Variants in LUZP2 observed in about 807,000 individuals in gnomAD.
LUZP2 encodes leucine zipper protein 2.
Under a neutral mutation model 51.6 loss-of-function variants are expected in LUZP2, and 52 were observed. The observed-to-expected ratio is 1.01, with a 90% CI of 0.81 to 1.27. LUZP2 has a LOEUF of 1.27. Ranked by LOEUF, LUZP2 falls within the 50% of genes most tolerant of loss-of-function variation. LUZP2 has a pLI of 0.00. For synonymous variants in LUZP2, 154 were observed against 137.3 expected, an observed-to-expected ratio of 1.12 and a Z score of -0.85; for missense variants, 436 against 395.4, an observed-to-expected ratio of 1.10 and a Z score of -0.87.
chr11:24,592,924 A>T (rs183850163), intron 1 of LUZP2, among the ~76,000 whole-genome samples: 1 of 152,222 alleles, frequency 6.6e-6, no homozygotes, highest in Non-Finnish European at 1.5e-5. Context: ...CATTACAGAC[A>T]TCTATTGGTG....
At position 25,053,121 on chromosome 11, in the gene LUZP2, C is replaced by A. The variant is rs543333216; in HGVS notation, c.858+2991C>A. On this transcript the variant is annotated intron_variant, in intron 10 of 11. Coordinates refer to ENST00000336930, the MANE Select transcript of LUZP2 (RefSeq NM_001009909.4). ...AGGCAATCACAGAAACAATTGGGAA[C>A]AAACAATGAAAAGTCTGTTTCAAAG... is the stretch of plus-strand genomic sequence containing the variant. Among the ~76,000 whole-genome samples the A allele has an allele frequency of 2.2e-4, 33 of 152,090 alleles. 1 individual carries two copies. In the East Asian group the frequency reaches 5.4e-3, roughly 25 times the overall value.
At chr11:24,688,858 G>T (rs1389493769) in intron 1 of LUZP2, among the ~76,000 whole-genome samples, 1 of 152,078 alleles carries the variant, frequency 6.6e-6, no homozygotes, top group Non-Finnish European at 1.5e-5. Flanking sequence ...CCTGAGGTAG[G>T]CTCTGCTATC....
At chr11:24,559,667 T>C (rs1192779253) in intron 1 of LUZP2, among the ~76,000 whole-genome samples, 1 of 152,212 alleles carries the variant, frequency 6.6e-6, no homozygotes, top group Non-Finnish European at 1.5e-5. Context: ...TATGCAATTA[T>C]CTTGTGACTT....
chr11:24,571,200 G>A (rs1852430332), intron 1 of LUZP2, among the ~76,000 whole-genome samples: 1 of 149,060 alleles, frequency 6.7e-6, no homozygotes, highest in African/African-American at 2.5e-5. Flanking sequence ...CAGAGGAGAT[G>A]AAAGCACTTG....
intron 1 of LUZP2, among the ~76,000 whole-genome samples, chr11:24,503,326 G>A (rs897627758): frequency 7.2e-5 from 11 of 152,154 alleles, no homozygotes; most frequent in Non-Finnish European, 1.5e-4. Context: ...ATAGAAAACG[G>A]TGTAATTTAC....
intron 10 of LUZP2, among the ~76,000 whole-genome samples, chr11:25,050,974 G>A (rs1373425183): frequency 6.6e-6 from 1 of 152,090 alleles, no homozygotes; most frequent in African/African-American, 2.4e-5. Flanking sequence ...TTGAGCTAAT[G>A]GATCTATTAC....
At chr11:24,709,261 G>A (rs987189483) in intron 1 of LUZP2, among the ~76,000 whole-genome samples, 36 of 152,022 alleles carry the variant, frequency 2.4e-4, no homozygotes, top group African/African-American at 7.5e-4. Context: ...AGAAGAATAA[G>A]GCTAATGATT....
At chr11:24,728,123 T>C (rs1477821795) in intron 1 of LUZP2, among the ~76,000 whole-genome samples, 3 of 152,000 alleles carry the variant, frequency 2.0e-5, no homozygotes, top group Non-Finnish European at 4.4e-5. Flanking sequence ...GCTGAGAGAA[T>C]TTGAGCCGTT....
intron 1 of LUZP2, among the ~76,000 whole-genome samples, chr11:24,653,652 T>A (rs192335648): frequency 1.3e-5 from 2 of 152,190 alleles, no homozygotes; most frequent in African/African-American, 2.4e-5. Context: ...CTCTAGCTGA[T>A]ACCTGGGGCA....
intron 4 of LUZP2, among the ~76,000 whole-genome samples, chr11:24,758,057 C>T (rs1291828058): frequency 1.3e-5 from 2 of 152,184 alleles, no homozygotes; most frequent in African/African-American, 2.4e-5. Context: ...GTTATGTGAG[C>T]ATATGCATTT....
At chr11:24,729,136 G>A (rs564473893) in intron 1 of LUZP2, 33 bp from the exon 2 acceptor site, 3 of 1,184,616 alleles carry the variant, frequency 2.5e-6, no homozygotes, top group Non-Finnish European at 3.5e-6. Context: ...GGAACCATTT[G>A]GGGGGCTCTC....
At chr11:24,991,533 G>A (rs1823089) in intron 9 of LUZP2, among the ~76,000 whole-genome samples, 71,858 of 151,050 alleles carry the variant, frequency 0.48, 17,484 homozygotes, top group Non-Finnish European at 0.51. Context: ...ATAAATATGC[G>A]TGTGTAACTA....
chr11:24,846,862 T>C (rs1851216405), intron 5 of LUZP2, among the ~76,000 whole-genome samples: 1 of 151,892 alleles, frequency 6.6e-6, no homozygotes, highest in South Asian at 2.1e-4. Flanking sequence ...TTTAATACAC[T>C]CTCTCCATAT....
chr11:24,510,420 CA>C (rs1850274713), intron 1 of LUZP2, among the ~76,000 whole-genome samples: 1 of 152,212 alleles, frequency 6.6e-6, no homozygotes, highest in South Asian at 2.1e-4. Context: ...TACCTGCCTG[CA>C]ACCCTTGCCA....
At chr11:24,850,113 A>T (rs1377958891) in intron 5 of LUZP2, among the ~76,000 whole-genome samples, 2 of 152,054 alleles carry the variant, frequency 1.3e-5, no homozygotes, top group Non-Finnish European at 2.9e-5. Context: ...GCTGTGCAGA[A>T]GCTCTTTAGT....
At position 24,545,555 on chromosome 11, in the gene LUZP2, C is replaced by CTTTTTTTTTTTT. The variant is rs3992984; in HGVS notation, c.62+48256_62+48267dup. On this transcript the variant is annotated intron_variant, in intron 1 of 11. Coordinates refer to ENST00000336930, the MANE Select transcript of LUZP2 (RefSeq NM_001009909.4). The stretch of plus-strand genomic sequence containing the variant: ...TGGGGAGTCCTTTCATTGTTGCTTG[C>CTTTTTTTTTTTT]TTTTTTTTTTTTTTTTTGACAGCTT... Among the ~76,000 whole-genome samples, 4 of 120,798 alleles carry CTTTTTTTTTTTT rather than the reference C, an allele frequency of 3.3e-5. 2 individuals are homozygous for CTTTTTTTTTTTT. The highest frequency in any genetic ancestry group is 6.2e-5 in the African/African-American group (2 of 32,276). The allele number at this position is 120,798 out of a possible 152,430, so 79.2% of individuals were successfully genotyped here. A position where few individuals can be genotyped will look rare whatever the true frequency, so the allele number is the denominator to read the frequency against.
intron 10 of LUZP2, among the ~76,000 whole-genome samples, chr11:25,063,292 C>T (rs914250669): frequency 6.6e-6 from 1 of 151,640 alleles, no homozygotes; most frequent in African/African-American, 2.4e-5. Context: ...GGGACTTGAG[C>T]ATCCATGGAT....
chr11:25,058,301 A>G (rs1415782043), intron 10 of LUZP2, among the ~76,000 whole-genome samples: 4 of 152,188 alleles, frequency 2.6e-5, no homozygotes, highest in East Asian at 1.9e-4. Flanking sequence ...CCATCCAAAC[A>G]TGTTAACCTA....
chr11:24,587,216 A>C (rs1041948919), intron 1 of LUZP2, among the ~76,000 whole-genome samples: 1 of 152,168 alleles, frequency 6.6e-6, no homozygotes, highest in African/African-American at 2.4e-5. Context: ...TTTGTCGTTA[A>C]CAGTATACAC....
Sources: allele counts gnomAD v4.1 joint callset (sites outside exome capture counted in the v4.1 genomes callset), GRCh38; gene constraint gnomAD v4.1.1; transcripts MANE v1.5; gene names NCBI Gene and HGNC (gene_info 2026-07-23, HGNC 2026-07-21).